The following TMCO5A variants were observed in gnomAD, a reference collection of about 807,000 sequenced individuals.
TMCO5A encodes transmembrane and coiled-coil domains 5A, also known as transmembrane and coiled-coil domain-containing protein 5A.
Under a neutral mutation model 42.3 loss-of-function variants are expected in TMCO5A, and 34 were observed. That is an observed-to-expected ratio of 0.80 (90% CI 0.61 to 1.07). The LOEUF (loss-of-function observed/expected upper bound fraction) is 1.07, where lower values mean the gene tolerates loss of function less well. Among genes scored for constraint, TMCO5A ranks in the 50% least tolerant of loss-of-function variants. The probability of loss-of-function intolerance (pLI) is 0.00; values close to 1 mark genes in which losing one functional copy is unlikely to be tolerated. For synonymous variants in TMCO5A, 131 were observed against 115.6 expected (o/e 1.13, Z -0.86); for missense variants, 357 against 327.9 (o/e 1.09, Z -0.69).
At chr15:38,027,206 A>G in the TMCO5A span, among the ~76,000 whole-genome samples, 1 of 152,120 alleles carries the variant, frequency 6.6e-6, no homozygotes, top group Non-Finnish European at 1.5e-5. Context: ...CAGCCCAGGA[A>G]AGCAGCCAGG....
chr15:37,990,785 A>G, the TMCO5A span, among the ~76,000 whole-genome samples: 1 of 151,752 alleles, frequency 6.6e-6, no homozygotes, highest in East Asian at 1.9e-4. Context: ...CCTTTTGTAT[A>G]TATTCTATAG....
chr15:37,959,868 G>T (rs1595607050), intron 11 of TMCO5A, among the ~76,000 whole-genome samples: 1 of 151,748 alleles, frequency 6.6e-6, no homozygotes, highest in East Asian at 1.9e-4. Flanking sequence ...CATCCAAATT[G>T]GAAAGAAAGA....
At chr15:38,036,607 G>A in the TMCO5A span, among the ~76,000 whole-genome samples, 20 of 151,668 alleles carry the variant, frequency 1.3e-4, no homozygotes, top group Middle Eastern at 3.4e-3. Flanking sequence ...CCATACTGTC[G>A]TTCATGTTGT....
the TMCO5A span, among the ~76,000 whole-genome samples, chr15:38,015,007 T>C: frequency 6.7e-6 from 1 of 149,734 alleles, no homozygotes; most frequent in Non-Finnish European, 1.5e-5. Context: ...GAACTTGGAG[T>C]CCGATGTTAG....
the TMCO5A span, among the ~76,000 whole-genome samples, chr15:37,998,773 T>C: frequency 6.6e-6 from 1 of 152,218 alleles, no homozygotes; most frequent in African/African-American, 2.4e-5. Context: ...ATTGAATCTG[T>C]AGATTGCTTT....
the TMCO5A span, among the ~76,000 whole-genome samples, chr15:38,020,876 A>T: frequency 1.0e-3 from 152 of 152,274 alleles, no homozygotes; most frequent in Middle Eastern, 3.4e-3. Flanking sequence ...TTTTAGGTAA[A>T]CTTTGTTGGT....
intron 11 of TMCO5A, among the ~76,000 whole-genome samples, chr15:37,963,627 C>A (rs147164646): frequency 6.6e-6 from 1 of 152,004 alleles, no homozygotes; most frequent in African/African-American, 2.4e-5. Context: ...GTGTGATGAC[C>A]GATCTACTGC....
chr15:38,032,497 G>T, the TMCO5A span, among the ~76,000 whole-genome samples: 1 of 152,216 alleles, frequency 6.6e-6, no homozygotes, highest in Non-Finnish European at 1.5e-5. Context: ...TCAGAATCTA[G>T]AGTAGTTCTT....
chr15:37,995,116 G>A, the TMCO5A span, among the ~76,000 whole-genome samples: 1 of 151,852 alleles, frequency 6.6e-6, no homozygotes, highest in African/African-American at 2.4e-5. Flanking sequence ...CCCTCCCTAC[G>A]CCCACATACC....
intron 11 of TMCO5A, among the ~76,000 whole-genome samples, chr15:37,949,154 A>T (rs1167258400): frequency 6.6e-6 from 1 of 152,134 alleles, no homozygotes; most frequent in African/African-American, 2.4e-5. Context: ...AAGAAAAAAA[A>T]ATCAAGACCA....
the TMCO5A span, among the ~76,000 whole-genome samples, chr15:37,989,763 T>G: frequency 1.3e-5 from 2 of 152,068 alleles, no homozygotes; most frequent in African/African-American, 2.4e-5. Flanking sequence ...CAGAATCTTA[T>G]GAATGTCTTT....
At position 37,966,624 on chromosome 15, in the gene TMCO5A, G is replaced by A. The variant is rs1006517614; in HGVS notation, c.669-1G>A. On this transcript the variant is annotated splice_acceptor_variant, in intron 11 of 11. Coordinates refer to the TMCO5A transcript ENST00000559502. LOFTEE classifies it high-confidence loss of function. ...ATCATTTCTTTTTCTTCTCTCTTCAGATGGGCCTCCTCCTTTTAGTGGCAA... is the reference window on the plus strand; with the variant it reads ...ATCATTTCTTTTTCTTCTCTCTTCAAATGGGCCTCCTCCTTTTAGTGGCAA... The A allele has an allele frequency of 4.3e-6, 3 of 702,890 alleles. No homozygotes were observed. Among genetic ancestry groups the A allele is most frequent in the East Asian group, 2.7e-5 (1 of 37,286 alleles). 43.5% of individuals were successfully genotyped at this position (702,890 alleles called of 1,614,324 possible). A position where few individuals can be genotyped will look rare whatever the true frequency, so the allele number is the denominator to read the frequency against.
the TMCO5A span, among the ~76,000 whole-genome samples, chr15:38,033,358 G>A: frequency 6.6e-6 from 1 of 152,094 alleles, no homozygotes; most frequent in African/African-American, 2.4e-5. Flanking sequence ...ATTTAATTTT[G>A]TCTAAGTGCT....
At chr15:38,001,331 T>C in the TMCO5A span, among the ~76,000 whole-genome samples, 5 of 152,062 alleles carry the variant, frequency 3.3e-5, no homozygotes, top group Admixed American at 3.3e-4. Context: ...TCCTGCTCAT[T>C]TCATTTTCAT....
At chr15:37,936,031 TTTAAGGAAGCAAAGC>T in intron 2 of TMCO5A, 1 of 243,718 alleles carries the variant, frequency 4.1e-6, no homozygotes, top group Non-Finnish European at 7.8e-6. Flanking sequence ...CAAGGGGTTA[TTTAAGGAAGCAAAGC>T]TTCTCAAGAA....
chr15:37,963,627 C>G (rs147164646), intron 11 of TMCO5A, among the ~76,000 whole-genome samples: 6 of 152,004 alleles, frequency 3.9e-5, no homozygotes, highest in African/African-American at 1.4e-4. Context: ...GTGTGATGAC[C>G]GATCTACTGC....
chr15:38,016,823 C>T, the TMCO5A span, among the ~76,000 whole-genome samples: 2 of 152,152 alleles, frequency 1.3e-5, no homozygotes, highest in Non-Finnish European at 2.9e-5. Flanking sequence ...GGTTTATTCA[C>T]ACCCATAACT....
At chr15:37,986,380 GGTGTGTGT>G in the TMCO5A span, among the ~76,000 whole-genome samples, 650 of 139,284 alleles carry the variant, frequency 4.7e-3, 5 homozygotes, top group African/African-American at 0.012. Context: ...GGTAAGGGAT[GGTGTGTGT>G]GTGTGTGTGT....
the TMCO5A span, among the ~76,000 whole-genome samples, chr15:37,975,801 A>G: frequency 3.3e-5 from 5 of 151,264 alleles, no homozygotes; most frequent in African/African-American, 1.2e-4. Context: ...TTGATTGCCT[A>G]GGCTGCTTTA....
Sources: allele counts gnomAD v4.1 joint callset (sites outside exome capture counted in the v4.1 genomes callset), GRCh38; gene constraint gnomAD v4.1.1; transcripts MANE v1.5; gene names NCBI Gene and HGNC (gene_info 2026-07-23, HGNC 2026-07-21).